CCDC57: variants seen among roughly 807,000 people sequenced by gnomAD.
CCDC57 encodes the protein coiled-coil domain-containing protein 57.
Under a neutral mutation model 118.9 loss-of-function variants are expected in CCDC57, and 118 were observed. The observed-to-expected ratio is 0.99, with a 90% CI of 0.86 to 1.16. The LOEUF (loss-of-function observed/expected upper bound fraction) is 1.16, where lower values mean the gene tolerates loss of function less well. Ranked by LOEUF, CCDC57 falls within the 50% of genes most tolerant of loss-of-function variation. The pLI is 0.00. For synonymous variants in CCDC57, 527 were observed against 532.9 expected (o/e 0.99, Z 0.15); for missense variants, 1,300 against 1,320.7 (o/e 0.98, Z 0.24).
intron 16 of CCDC57, among the ~76,000 whole-genome samples, chr17:82,149,496 C>G (rs911699123): frequency 6.6e-6 from 1 of 152,086 alleles, no homozygotes; most frequent in African/African-American, 2.4e-5. Flanking sequence ...CGGCCATCTT[C>G]GCTGCTCACC....
At chr17:82,183,892 C>A (rs1474905751) in exon 9 of CCDC57, 1 of 1,613,766 alleles carries the variant, frequency 6.2e-7, no homozygotes, top group South Asian at 1.1e-5. Flanking sequence ...GCAATTTGAG[C>A]ATCCCAGGCA....
intron 15 of CCDC57, 53 bp from the exon 15 acceptor site, chr17:82,151,826 A>G: frequency 1.3e-6 from 2 of 1,484,090 alleles, no homozygotes; most frequent in Non-Finnish European, 1.8e-6. Flanking sequence ...TCATGGGAGG[A>G]CGCCAGGGGT....
At chr17:82,128,515 A>G in exon 18 of CCDC57, 1 of 1,565,908 alleles carries the variant, frequency 6.4e-7, no homozygotes, top group Non-Finnish European at 8.7e-7. Flanking sequence ...CAGGGCGTCA[A>G]GTCTGCTGCC....
At chr17:82,124,829 G>A (rs190483531) in intron 19 of CCDC57, among the ~76,000 whole-genome samples, 8 of 151,952 alleles carry the variant, frequency 5.3e-5, no homozygotes, top group Non-Finnish European at 1.2e-4. Context: ...AATGAGGGGG[G>A]AGCCAAGAAA....
chr17:82,201,383 C>G (rs570141038), intron 3 of CCDC57, among the ~76,000 whole-genome samples, 155 bp downstream of exon 2: 1 of 152,256 alleles, frequency 6.6e-6, no homozygotes, highest in East Asian at 1.9e-4. Context: ...ACGAGGCACT[C>G]GGCCACTCAG....
intron 19 of CCDC57, among the ~76,000 whole-genome samples, chr17:82,103,386 C>T (rs2034603362): frequency 6.6e-6 from 1 of 152,166 alleles, no homozygotes. Context: ...AGGAATTCCT[C>T]CTCTTCACAC....
At position 82,194,025 on chromosome 17, in the gene CCDC57, G is replaced by A. The variant is rs777714729; in HGVS notation, c.733C>T (p.Arg245Ter). ...TCCAGGTCCTGGAGCTCCCCGGCTCGGCTCTGGAGCTTCCTCTCCAGCTCG... is the reference window on the plus strand; with the variant it reads ...TCCAGGTCCTGGAGCTCCCCGGCTCAGCTCTGGAGCTTCCTCTCCAGCTCG... Residue 245 changes from arginine (R) to a stop codon, truncating the protein, a stop_gained, in exon 6 of 20, where the codon CGA (arginine) becomes TGA (stop). Coordinates refer to ENST00000665763, the Ensembl canonical transcript of CCDC57. LOFTEE classifies it high-confidence loss of function. 5.6e-6 allele frequency: 9 copies of A among 1,612,952 alleles called. No individual in the cohort carries two copies. The highest frequency in any genetic ancestry group is 4.5e-5 in the East Asian group (2 of 44,880).
intron 16 of CCDC57, chr17:82,145,851 C>T (rs2040663859): frequency 2.2e-6 from 1 of 461,460 alleles, no homozygotes; most frequent in East Asian, 7.6e-5. Flanking sequence ...ACCATGTCAC[C>T]TGCTGGAGTT....
At position 82,134,453 on chromosome 17, in the gene CCDC57, C is replaced by A. The variant is rs147632362; in HGVS notation, c.2456-259G>T. 1.3e-3 allele frequency: 432 copies of A among 338,652 alleles called. 3 individuals carry two copies. The highest frequency in any genetic ancestry group is 8.3e-3 in the African/African-American group (396 of 47,558). 21.0% of individuals were successfully genotyped at this position (338,652 alleles called of 1,614,324 possible). ...TCACAGCGGGGGCAGCAAGCACATT[C>A]GCTAACAGAAGCACCCAGACGCCCT... On this transcript the variant is annotated intron_variant, in intron 16 of 19. Transcript: ENST00000665763.
intron 19 of CCDC57, among the ~76,000 whole-genome samples, chr17:82,121,335 C>A (rs574747269): frequency 8.5e-5 from 13 of 152,348 alleles, no homozygotes; most frequent in South Asian, 8.3e-4. Context: ...GCCCCCAGTG[C>A]TTCCCCAGCT....
intron 19 of CCDC57, among the ~76,000 whole-genome samples, chr17:82,109,205 A>T (rs191864809): frequency 1.8e-4 from 28 of 152,338 alleles, no homozygotes; most frequent in African/African-American, 6.7e-4. Context: ...AGACATGGAC[A>T]GGAAACCAAG....
At chr17:82,105,805 A>G (rs1462857765) in intron 19 of CCDC57, among the ~76,000 whole-genome samples, 1 of 152,218 alleles carries the variant, frequency 6.6e-6, no homozygotes, top group Non-Finnish European at 1.5e-5. Context: ...TCACTGGCAC[A>G]TGGAGCCTGG....
intron 19 of CCDC57, among the ~76,000 whole-genome samples, chr17:82,114,130 A>C (rs958502115): frequency 5.9e-5 from 9 of 152,188 alleles, no homozygotes; most frequent in Non-Finnish European, 1.2e-4. Context: ...AGTGGACTGT[A>C]ACGTTCCCTG....
intron 16 of CCDC57, among the ~76,000 whole-genome samples, chr17:82,151,342 T>TGCACACCCAGAACCAGGC (rs1179357979): frequency 2.7e-5 from 1 of 37,292 alleles, no homozygotes; most frequent in Non-Finnish European, 5.5e-5. Context: ...CAGAACCAGG[T>TGCACACCCAGAACCAGGC]GCACACCCAG....
intron 15 of CCDC57, chr17:82,157,324 G>T: frequency 2.1e-6 from 1 of 474,202 alleles, no homozygotes; most frequent in Non-Finnish European, 3.0e-6. Flanking sequence ...GGCCATGTGG[G>T]CCCCTCCCCA....
At chr17:82,186,768 C>A (rs1366987787) in intron 8 of CCDC57, among the ~76,000 whole-genome samples, 1 of 151,968 alleles carries the variant, frequency 6.6e-6, no homozygotes, top group Non-Finnish European at 1.5e-5. Context: ...ATGGAGAAAC[C>A]TCGTTTCTAC....
chr17:82,140,074 G>T (rs2145552199), intron 16 of CCDC57, among the ~76,000 whole-genome samples: 1 of 152,172 alleles, frequency 6.6e-6, no homozygotes. Flanking sequence ...ATTTGTAAGT[G>T]ATACCTTGTT....
intron 3 of CCDC57, among the ~76,000 whole-genome samples, chr17:82,200,808 AG>A (rs947777800): frequency 4.7e-4 from 72 of 152,276 alleles, no homozygotes; most frequent in African/African-American, 1.7e-3. Flanking sequence ...AAAAAAGAAA[AG>A]AAAAAAAATG....
At chr17:82,163,101 G>A (rs910027021) in intron 14 of CCDC57, 99 bp downstream of exon 13, 1 of 1,446,196 alleles carries the variant, frequency 6.9e-7, no homozygotes, top group Admixed American at 1.9e-5. Flanking sequence ...GGATGCCCGA[G>A]GTCACCTGGG....
Sources: allele counts gnomAD v4.1 joint callset (sites outside exome capture counted in the v4.1 genomes callset), GRCh38; gene constraint gnomAD v4.1.1; transcripts MANE v1.5; gene names NCBI Gene and HGNC (gene_info 2026-07-23, HGNC 2026-07-21).